Variants in COL5A1 observed in about 807,000 individuals in gnomAD.
The protein encoded by COL5A1 is collagen type V alpha 1 chain.
A neutral mutation model predicts 263.7 loss-of-function variants in COL5A1; 16 were observed. The observed-to-expected ratio is 0.06, with a 90% CI of 0.04 to 0.09. COL5A1 has a LOEUF of 0.09. Among genes scored for constraint, COL5A1 ranks in the 10% least tolerant of loss-of-function variants. COL5A1 has a pLI of 1.00. For synonymous variants in COL5A1, 1,012 were observed against 1,004.5 expected (o/e 1.01, Z -0.14); for missense variants, 2,036 against 2,540.5 (o/e 0.80, Z 4.27).
At chr9:134,708,864 C>T (rs1179630937) in intron 4 of COL5A1, 7 of 456,486 alleles carry the variant, frequency 1.5e-5, no homozygotes, top group Admixed American at 1.2e-4. Flanking sequence ...AAGCTTCCAG[C>T]GGGGGACTCT....
At chr9:134,800,416 G>A (rs1038909427) in intron 37 of COL5A1, among the ~76,000 whole-genome samples, 1 of 152,166 alleles carries the variant, frequency 6.6e-6, no homozygotes, top group Non-Finnish European at 1.5e-5. Flanking sequence ...GCTGAGCTGG[G>A]CTTAAAGAGG....
chr9:134,719,003 G>C lies in COL5A1; in HGVS notation c.655-8263G>C, dbSNP rs910279452. 9.2e-5 allele frequency among the ~76,000 whole-genome samples: 14 copies of C among 152,338 alleles called. No individual in the cohort carries two copies. In the South Asian group the frequency reaches 2.9e-3, roughly 32 times the overall value. On this transcript the variant is annotated intron_variant, in intron 4 of 65. Coordinates refer to ENST00000371817, the MANE Select transcript of COL5A1 (RefSeq NM_000093.5). The stretch of plus-strand genomic sequence containing the variant: ...TCTTTCCCGAAGCATGCCGGGCACA[G>C]GCGGTGCACGCTGAGGATATCTGAC...
At chr9:134,830,296 C>A (rs1228736392) in intron 64 of COL5A1, 4 of 1,009,590 alleles carry the variant, frequency 4.0e-6, no homozygotes, top group Non-Finnish European at 6.0e-6. Flanking sequence ...CAAACCGCTC[C>A]ACATCACGTG....
At position 134,662,909 on chromosome 9, in the gene COL5A1, G is replaced by A. The variant is rs1365514927; in HGVS notation, c.109+20613G>A. Among the ~76,000 whole-genome samples the A allele has an allele frequency of 5.3e-5, 8 of 152,228 alleles. No individual in the cohort carries two copies. In the South Asian group the frequency reaches 1.4e-3, roughly 28 times the overall value. ...GCTATAGTAGAACCTCATCTGCCTCGTTAGCAGAGACCGATGAGTGTTTGC... is the reference window on the plus strand; with the variant it reads ...GCTATAGTAGAACCTCATCTGCCTCATTAGCAGAGACCGATGAGTGTTTGC... On this transcript the variant is annotated intron_variant, in intron 1 of 65. Transcript: ENST00000371817.
chr9:134,812,845 T>C, intron 48 of COL5A1, 133 bp downstream of exon 48: 1 of 726,090 alleles, frequency 1.4e-6, no homozygotes, highest in Non-Finnish European at 2.5e-6. Context: ...CACGTGTGTG[T>C]ACCTCTCTGT....
chr9:134,719,057 G>C (rs953177236), intron 4 of COL5A1, among the ~76,000 whole-genome samples: 1 of 152,168 alleles, frequency 6.6e-6, no homozygotes, highest in African/African-American at 2.4e-5. Flanking sequence ...ACGTTGGAGC[G>C]GGGAAGTGGG....
rs1184221118 is a variant in COL5A1, at chr9:134,806,180, C to T, written c.3259-9C>T. The T allele has an allele frequency of 4.5e-6, 7 of 1,545,810 alleles. No individual in the cohort carries two copies. The highest frequency in any genetic ancestry group is 1.4e-5 in the African/African-American group (1 of 72,930). On this transcript the variant is annotated splice_polypyrimidine_tract_variant and intron_variant, in intron 41 of 65. Coordinates refer to ENST00000371817, the MANE Select transcript of COL5A1 (RefSeq NM_000093.5). ...CTTTGAAGCAGACTGTTTTCTTGCT[C>T]CACCTCAGGGATCTCCAGGGGAGAG...
intron 63 of COL5A1, among the ~76,000 whole-genome samples, chr9:134,826,969 G>A (rs528901595): frequency 1.3e-4 from 20 of 152,278 alleles, no homozygotes; most frequent in African/African-American, 3.9e-4. Flanking sequence ...TGGCCCAGGC[G>A]AGGACTGAGT....
At position 134,822,718 on chromosome 9, in the gene COL5A1, G is replaced by GCCC. The variant is rs370666409; in HGVS notation, c.4609-279_4609-278insCCC. The stretch of plus-strand genomic sequence containing the variant: ...GAGCCAGGACATGCTCTTTTCCGCT[G>GCCC]CGCCCCCCCCGCGGCTGTCTGAGCT... On this transcript the variant is annotated intron_variant, in intron 59 of 65. Coordinates refer to ENST00000371817, the MANE Select transcript of COL5A1 (RefSeq NM_000093.5). Among the ~76,000 whole-genome samples the GCCC allele has an allele frequency of 0.01, 1,458 of 142,948 alleles. 62 individuals are homozygous for GCCC. The highest frequency in any genetic ancestry group is 0.033 in the African/African-American group (1,152 of 34,536). The allele number at this position is 142,948 out of a possible 152,430, so 93.8% of individuals were successfully genotyped here. A position where few individuals can be genotyped will look rare whatever the true frequency, so the allele number is the denominator to read the frequency against.
At position 134,647,907 on chromosome 9, in the gene COL5A1, T is replaced by G. The variant is rs1394173858; in HGVS notation, c.109+5611T>G. Among the ~76,000 whole-genome samples the G allele has an allele frequency of 6.6e-6, 1 of 152,216 alleles. No individual in the cohort carries two copies. The highest frequency in any genetic ancestry group is 1.5e-5 in the Non-Finnish European group (1 of 68,040). ...CTGCAGGCGGAGCCCACAGCGGCCC[T>G]TGTGGTGGTTACTACTGAGTGTCAA... On this transcript the variant is annotated intron_variant, in intron 1 of 65. Coordinates refer to ENST00000371817, the MANE Select transcript of COL5A1 (RefSeq NM_000093.5). The surrounding 1 kb of genome is among the most constrained non-coding windows in gnomAD (Gnocchi z 5.0).
At chr9:134,768,339 T>G (rs1588527446) in intron 24 of COL5A1, 71 bp from the exon 25 acceptor site, 2 of 1,337,760 alleles carry the variant, frequency 1.5e-6, no homozygotes, top group East Asian at 4.6e-5. Context: ...AAAAGTAACC[T>G]TGGTGGCCGA....
At chr9:134,802,545 C>T (rs945151788) in intron 38 of COL5A1, among the ~76,000 whole-genome samples, 6 of 152,188 alleles carry the variant, frequency 3.9e-5, no homozygotes, top group African/African-American at 1.4e-4. Flanking sequence ...GGGCTCTGCC[C>T]CTGGTGTGGC....
rs1838679629 is a variant in COL5A1, at chr9:134,814,847, T to C, written c.3957T>C (p.Ala1319=). ...AGGGCGAGTCAGGCCCTTCAGGTGCTGCCGGACCCCCTGGACCCAAAGGCC... is the reference window on the plus strand; with the variant it reads ...AGGGCGAGTCAGGCCCTTCAGGTGCCGCCGGACCCCCTGGACCCAAAGGCC... ...GEKGESGPSG[A]AGPPGPKGPP... is the part of the protein sequence containing the mutation. Residue 1319 remains alanine, a synonymous_variant, in exon 50 of 66, where the codon GCT becomes GCC. Coordinates refer to ENST00000371817, the MANE Select transcript of COL5A1 (RefSeq NM_000093.5). The C allele has an allele frequency of 1.9e-6, 3 of 1,551,714 alleles. No homozygotes were observed. Among genetic ancestry groups the C allele is most frequent in the Middle Eastern group, 1.7e-4 (1 of 6,014 alleles).
rs144335980 is a variant in COL5A1 at position 134,728,804 on chromosome 9, C to T, written c.921C>T (p.Pro307=). ...VEAAKETTEV[P]EELTPTPTEA... Reference sequence around the variant, plus strand: ...CTGCCAAAGAAACCACAGAGGTCCCCGAGGTCTGGGCTGAGCGGGGGACTG... The same window carrying T: ...CTGCCAAAGAAACCACAGAGGTCCCTGAGGTCTGGGCTGAGCGGGGGACTG... Residue 307 remains proline, a synonymous_variant, in exon 6 of 66, where the codon CCC becomes CCT. Transcript: ENST00000371817. 99 of 1,614,094 alleles carry T rather than the reference C, an allele frequency of 6.1e-5. No homozygotes were observed. Among genetic ancestry groups the T allele is most frequent in the African/African-American group, 5.3e-4 (40 of 75,060 alleles).
chr9:134,648,557 G>C (rs1169192363), intron 1 of COL5A1, among the ~76,000 whole-genome samples: 1 of 152,056 alleles, frequency 6.6e-6, no homozygotes, highest in Non-Finnish European at 1.5e-5. Context: ...TGTAAGAAGG[G>C]GGTGGTGACT....
chr9:134,782,465 A>G, intron 28 of COL5A1: 1 of 670,454 alleles, frequency 1.5e-6, no homozygotes, highest in Admixed American at 2.2e-5. Context: ...CTCCAGCTTC[A>G]GAACGTTACA....
rs527557617 is a variant in COL5A1 at position 134,765,546 on chromosome 9, C to G, written c.2035-135C>G. On this transcript the variant is annotated intron_variant, in intron 20 of 65. Transcript: ENST00000371817. This position sits in a 1 kb window ranked among gnomAD's most constrained non-coding sequence, Gnocchi z 5.1. ...AGGCTGGGAGGGAGTCTGGGCCTCA[C>G]TCCTGGGAGGCCAGGAGGCCTGAGT... 5.2e-6 allele frequency: 4 copies of G among 775,422 alleles called. No homozygotes were observed. Among genetic ancestry groups the G allele is most frequent in the Non-Finnish European group, 9.1e-6 (4 of 440,518 alleles). The allele number at this position is 775,422 out of a possible 1,614,324, so 48.0% of individuals were successfully genotyped here.
In COL5A1 at chr9:134,730,374, C is replaced by G; in HGVS notation, c.1063C>G (p.Leu355Val). 2 of 1,614,236 alleles carry G rather than the reference C, an allele frequency of 1.2e-6. No individual in the cohort carries two copies. The highest frequency in any genetic ancestry group is 1.7e-6 in the Non-Finnish European group (2 of 1,180,040). The change falls in exon 7 of 66, where the codon CTC (leucine) becomes GTC (valine). Residue 355 changes from leucine (L) to valine (V), a missense_variant. This residue lies in a region of COL5A1 where 600 missense variants were observed against 634.5 expected (regional missense o/e 0.95). Coordinates refer to ENST00000371817, the MANE Select transcript of COL5A1 (RefSeq NM_000093.5). ...DYYTPSPYDDLTYGEGEENPD... is the reference protein window; with the variant it reads ...DYYTPSPYDDVTYGEGEENPD... ...CTACACGCCCTCACCGTATGATGACCTCACCTATGGCGAGGGGGAGGAGAA... is the reference window on the plus strand; with the variant it reads ...CTACACGCCCTCACCGTATGATGACGTCACCTATGGCGAGGGGGAGGAGAA...
chr9:134,726,674 GGA>G (rs1427667313), intron 4 of COL5A1, among the ~76,000 whole-genome samples: 2 of 151,500 alleles, frequency 1.3e-5, no homozygotes, highest in African/African-American at 2.4e-5. Flanking sequence ...GAGAATGGAT[GGA>G]TGGGTGAATG....
Sources: allele counts gnomAD v4.1 joint callset (sites outside exome capture counted in the v4.1 genomes callset), GRCh38; gene constraint gnomAD v4.1.1; regional missense constraint gnomAD v4.1.1; non-coding constraint Gnocchi (gnomAD v3.1); transcripts MANE v1.5; gene names NCBI Gene and HGNC (gene_info 2026-07-23, HGNC 2026-07-21).